The following NCOA2 variants were observed in gnomAD, a reference collection of about 807,000 sequenced individuals.
The protein encoded by NCOA2 is nuclear receptor coactivator 2, also known as class E basic helix-loop-helix protein 75.
In NCOA2, 21 loss-of-function variants were observed where a neutral mutation model predicts 145.1. The observed-to-expected ratio is 0.14, with a 90% CI of 0.10 to 0.21. The LOEUF (loss-of-function observed/expected upper bound fraction) is 0.21. NCOA2 is among the 10% of genes least tolerant of loss of function. The pLI, the probability that NCOA2 is intolerant of heterozygous loss-of-function variation, is 1.00. For synonymous variants in NCOA2, 619 were observed against 637.5 expected, an observed-to-expected ratio of 0.97 and a Z score of 0.44; for missense variants, 1,472 against 1,837.6, an observed-to-expected ratio of 0.80 and a Z score of 3.64.
chr8:70,323,108 T>C (rs947810503), intron 1 of NCOA2, among the ~76,000 whole-genome samples: 3 of 152,204 alleles, frequency 2.0e-5, no homozygotes, highest in African/African-American at 4.8e-5. Flanking sequence ...ACTCTGGCTA[T>C]GCTAAACACT....
the NCOA2 span, chr8:70,424,241 T>A: frequency 2.6e-6 from 1 of 378,896 alleles, no homozygotes; most frequent in Non-Finnish European, 5.1e-6. Flanking sequence ...GGAATCTTCT[T>A]CAGTTGCTCC....
the NCOA2 span, among the ~76,000 whole-genome samples, chr8:70,451,917 A>G: frequency 6.6e-6 from 1 of 152,220 alleles, no homozygotes; most frequent in Non-Finnish European, 1.5e-5. Context: ...TTACAACTCA[A>G]CAATAAAAAG....
At chr8:70,249,971 A>AAAAAG (rs1822986293) in intron 2 of NCOA2, among the ~76,000 whole-genome samples, 1 of 147,608 alleles carries the variant, frequency 6.8e-6, no homozygotes, top group African/African-American at 2.6e-5. Flanking sequence ...TCCAAAAAAA[A>AAAAAG]AAAAAAAAGA....
chr8:70,417,245 T>TAAAAAAAAAAAAAAAAAAAAAAAA, the NCOA2 span, among the ~76,000 whole-genome samples: 3 of 77,998 alleles, frequency 3.8e-5, no homozygotes, highest in African/African-American at 1.8e-4. Flanking sequence ...TCGTCTCTAT[T>TAAAAAAAAAAAAAAAAAAAAAAAA]AAAAAAAAAA....
intron 16 of NCOA2, among the ~76,000 whole-genome samples, chr8:70,129,602 T>C (rs1808854925): frequency 6.6e-6 from 1 of 152,216 alleles, no homozygotes; most frequent in South Asian, 2.1e-4. Context: ...CTGTCAGGAT[T>C]TCCTACGTGC....
chr8:70,308,545 T>C (rs1828068425), intron 1 of NCOA2, among the ~76,000 whole-genome samples: 1 of 152,070 alleles, frequency 6.6e-6, no homozygotes, highest in South Asian at 2.1e-4. Flanking sequence ...CAAATAGATA[T>C]AGATACATAG....
chr8:70,235,126 A>T (rs1821482340), intron 2 of NCOA2, among the ~76,000 whole-genome samples: 1 of 152,188 alleles, frequency 6.6e-6, no homozygotes, highest in Non-Finnish European at 1.5e-5. Context: ...CATATAATAG[A>T]ATATTATTCA....
chr8:70,249,982 AGAAG>A (rs1563679877), intron 2 of NCOA2, among the ~76,000 whole-genome samples: 1 of 148,098 alleles, frequency 6.8e-6, no homozygotes, highest in Non-Finnish European at 1.5e-5. Context: ...AAAAAAAAGA[AGAAG>A]AAGAAGAAGA....
At chr8:70,335,896 C>T (rs970815664) in intron 1 of NCOA2, among the ~76,000 whole-genome samples, 3 of 152,162 alleles carry the variant, frequency 2.0e-5, no homozygotes, top group Non-Finnish European at 4.4e-5. Flanking sequence ...CTGTGGGCAA[C>T]TGCAACAGAG....
chr8:70,166,702 G>A lies in NCOA2; in HGVS notation c.594C>T (p.Phe198=). Residue 198 remains phenylalanine (F), a synonymous_variant, in exon 7 of 23, where the codon TTC becomes TTT. Coordinates refer to ENST00000452400, the MANE Select transcript of NCOA2 (RefSeq NM_006540.4). ...GEPPRRNSHT[F]NCRMLVKPLP... ...AAGGTTTTACCAGCATCCGACAATT[G>A]AAGGTATGGCTGTTCCGCCTCGGAG... 6.2e-7 allele frequency: 1 copy of A among 1,614,008 alleles called. No homozygotes were observed. The highest frequency in any genetic ancestry group is 8.5e-7 in the Non-Finnish European group (1 of 1,179,884).
intron 4 of NCOA2, among the ~76,000 whole-genome samples, chr8:70,211,348 A>G (rs1814082990): frequency 6.6e-6 from 1 of 151,814 alleles, no homozygotes; most frequent in Admixed American, 6.6e-5. Context: ...AATCCCAGCT[A>G]CTCGGGAGGC....
the NCOA2 span, among the ~76,000 whole-genome samples, chr8:70,419,607 T>C: frequency 6.6e-6 from 1 of 152,174 alleles, no homozygotes; most frequent in Admixed American, 6.5e-5. Flanking sequence ...TTTCTATTCT[T>C]GGTCTGTTTT....
chr8:70,441,961 AAGAG>A, the NCOA2 span, among the ~76,000 whole-genome samples: 18 of 150,762 alleles, frequency 1.2e-4, no homozygotes, highest in African/African-American at 3.6e-4. Context: ...AAAGGAAAGA[AAGAG>A]AGAGAAAGAA....
At chr8:70,228,731 T>C (rs573964626) in intron 2 of NCOA2, among the ~76,000 whole-genome samples, 10 of 152,366 alleles carry the variant, frequency 6.6e-5, no homozygotes, top group African/African-American at 2.4e-4. Flanking sequence ...TATTTAGCTA[T>C]AACTAGCAAG....
chr8:70,201,360 A>AATG (rs1817866819), intron 4 of NCOA2, among the ~76,000 whole-genome samples: 1 of 152,160 alleles, frequency 6.6e-6, no homozygotes, highest in Admixed American at 6.5e-5. Context: ...CTGGACTAGC[A>AATG]ATCATAATCT....
At chr8:70,133,032 T>C (rs1340607863) in intron 15 of NCOA2, among the ~76,000 whole-genome samples, 2 of 152,066 alleles carry the variant, frequency 1.3e-5, no homozygotes, top group African/African-American at 4.8e-5. Context: ...ATACAACTCC[T>C]ATACATTTAA....
intron 1 of NCOA2, among the ~76,000 whole-genome samples, chr8:70,305,049 CTTTT>C (rs780225619): frequency 1.6e-5 from 2 of 128,374 alleles, no homozygotes; most frequent in Admixed American, 7.8e-5. Context: ...TTTATTCATT[CTTTT>C]TTTTTTTTTT....
the NCOA2 span, among the ~76,000 whole-genome samples, chr8:70,455,313 A>G: frequency 6.6e-6 from 1 of 152,316 alleles, no homozygotes; most frequent in Admixed American, 6.5e-5. Context: ...ACTGCCTAGA[A>G]ATGATTATTT....
At chr8:70,417,654 G>A in the NCOA2 span, among the ~76,000 whole-genome samples, 3 of 152,120 alleles carry the variant, frequency 2.0e-5, no homozygotes, top group Non-Finnish European at 2.9e-5. Flanking sequence ...TCAGCTGATC[G>A]TGGTTTTTTA....
Sources: allele counts gnomAD v4.1 joint callset (sites outside exome capture counted in the v4.1 genomes callset), GRCh38; gene constraint gnomAD v4.1.1; transcripts MANE v1.5; gene names NCBI Gene and HGNC (gene_info 2026-07-23, HGNC 2026-07-21).